The following BICD2 variants were observed in gnomAD, a reference collection of about 807,000 sequenced individuals.
BICD2 encodes BICD cargo adaptor 2.
Under a neutral mutation model 72.9 loss-of-function variants are expected in BICD2, and 25 were observed. The ratio of observed to expected loss-of-function variants is 0.34; its 90% CI spans 0.25 to 0.48. The LOEUF (loss-of-function observed/expected upper bound fraction) is 0.48, where lower values mean the gene tolerates loss of function less well. Ranked by LOEUF, BICD2 falls within the 20% of genes least tolerant of loss-of-function variation. BICD2 has a pLI of 0.99. For synonymous variants in BICD2, 501 were observed against 516.1 expected (o/e 0.97, Z 0.40); for missense variants, 894 against 1,175.2 (o/e 0.76, Z 3.50).
chr9:92,716,623 T>C (rs1423786910), intron 6 of BICD2, among the ~76,000 whole-genome samples: 1 of 152,268 alleles, frequency 6.6e-6, no homozygotes, highest in Non-Finnish European at 1.5e-5. Flanking sequence ...ATGGTGGGCC[T>C]GGCTGTCCCC....
intron 1 of BICD2, among the ~76,000 whole-genome samples, chr9:92,751,848 A>C: frequency 6.9e-6 from 1 of 145,662 alleles, no homozygotes; most frequent in African/African-American, 2.5e-5. Flanking sequence ...CCTGTCGCCC[A>C]GGCTGGAGTG....
At chr9:92,736,817 T>TAC (rs1491500487) in intron 1 of BICD2, among the ~76,000 whole-genome samples, 9 of 152,028 alleles carry the variant, frequency 5.9e-5, no homozygotes, top group South Asian at 2.1e-4. Context: ...GTTCCCCCTT[T>TAC]ACACACACAC....
chr9:92,746,112 C>A (rs981327205), intron 1 of BICD2, among the ~76,000 whole-genome samples: 2 of 152,340 alleles, frequency 1.3e-5, no homozygotes, highest in East Asian at 3.9e-4. Flanking sequence ...GACACATGGT[C>A]CCTCCCTCCC....
intron 1 of BICD2, among the ~76,000 whole-genome samples, chr9:92,734,830 CAGGATCCAGTCTGGGAAG>C (rs1275460751): frequency 2.0e-5 from 3 of 152,200 alleles, no homozygotes; most frequent in African/African-American, 7.2e-5. Context: ...AACCTACCAT[CAGGATCCAGTCTGGGAAG>C]GGGATCCCAG....
intron 1 of BICD2, among the ~76,000 whole-genome samples, chr9:92,749,156 G>A (rs1163938052): frequency 6.6e-6 from 1 of 151,840 alleles, no homozygotes; most frequent in African/African-American, 2.4e-5. Context: ...GCCTCTTGAG[G>A]ACTGGGGTCC....
At position 92,764,034 on chromosome 9, in the gene BICD2, A is replaced by G. The variant is rs983832541; in HGVS notation, c.240+471T>C. 4.6e-5 allele frequency among the ~76,000 whole-genome samples: 7 copies of G among 152,190 alleles called. No homozygotes were observed. Among genetic ancestry groups the G allele is most frequent in the Non-Finnish European group, 8.8e-5 (6 of 68,020 alleles). ...AAAGTAGCTGCGCCCAGAGAGGGGA[A>G]GTGCTTTCTCTGAAGGTGACAGAGC... On this transcript the variant is annotated intron_variant, in intron 1 of 6. Transcript: ENST00000356884. This position sits in a 1 kb window ranked among gnomAD's most constrained non-coding sequence, Gnocchi z 5.5.
chr9:92,753,879 A>G (rs761939173), intron 1 of BICD2, among the ~76,000 whole-genome samples: 9 of 151,734 alleles, frequency 5.9e-5, no homozygotes, highest in Non-Finnish European at 1.3e-4. Flanking sequence ...TTAAAGACAC[A>G]TAAGTCTGTA....
intron 1 of BICD2, among the ~76,000 whole-genome samples, chr9:92,736,333 C>T (rs529971391): frequency 6.6e-6 from 1 of 152,210 alleles, no homozygotes; most frequent in Non-Finnish European, 1.5e-5. Context: ...AAAAGACACT[C>T]CCATCAGGAC....
intron 1 of BICD2, among the ~76,000 whole-genome samples, chr9:92,745,437 G>GGACAGGGGAGGGGGGTCCCCTGTCCT (rs1853990544): frequency 1.3e-5 from 2 of 151,952 alleles, no homozygotes. Context: ...CTAAGGGTGG[G>GGACAGGGGAGGGGGGTCCCCTGTCCT]GACAGGGGAG....
intron 1 of BICD2, among the ~76,000 whole-genome samples, chr9:92,747,926 GGCTGACA>G (rs1854049397): frequency 6.6e-6 from 1 of 152,222 alleles, no homozygotes; most frequent in Non-Finnish European, 1.5e-5. Context: ...ACCCGAAGTG[GGCTGACA>G]GCATGGCAGG....
chr9:92,726,631 G>T (rs118140771), intron 2 of BICD2, among the ~76,000 whole-genome samples: 4 of 152,104 alleles, frequency 2.6e-5, no homozygotes, highest in Non-Finnish European at 5.9e-5. Context: ...TACCCAAGGC[G>T]AAGACCTGGG....
rs1207286970 is a variant in BICD2 at position 92,722,735 on chromosome 9, C to T, written c.527G>A (p.Arg176His). 3 of 1,614,106 alleles carry T rather than the reference C, an allele frequency of 1.9e-6. No individual in the cohort carries two copies. Among genetic ancestry groups the T allele is most frequent in the Non-Finnish European group, 1.7e-6 (2 of 1,180,042 alleles). The change falls in exon 3 of 7, where the codon CGT (arginine) becomes CAT (histidine). Residue 176 changes from arginine (R) to histidine (H), a missense_variant. Physicochemically the swap from Arg to His is conservative, Grantham distance 29. This residue lies in a region of BICD2 where 192 missense variants were observed against 243.6 expected (regional missense o/e 0.79). Transcript: ENST00000356884. ...DIKEYKFREA[R>H]LLQDYSELEE... is the part of the protein sequence containing the mutation. Reference sequence around the variant, plus strand: ...CAGTTCCGAGTAGTCCTGCAGCAGACGAGCTTCCCGGAATTTGTACTCCTT... The same window carrying T: ...CAGTTCCGAGTAGTCCTGCAGCAGATGAGCTTCCCGGAATTTGTACTCCTT...
intron 1 of BICD2, among the ~76,000 whole-genome samples, chr9:92,759,288 A>T (rs1854324578): frequency 6.6e-6 from 1 of 152,234 alleles, no homozygotes; most frequent in African/African-American, 2.4e-5. Context: ...AGGGAAGAAG[A>T]GCTGGCAGAG....
At chr9:92,737,901 TG>T (rs1342566631) in intron 1 of BICD2, among the ~76,000 whole-genome samples, 1 of 152,148 alleles carries the variant, frequency 6.6e-6, no homozygotes, top group East Asian at 1.9e-4. Context: ...TAGGACAAGG[TG>T]GGGCCAGAAG....
intron 2 of BICD2, among the ~76,000 whole-genome samples, chr9:92,727,241 G>A (rs759367352): frequency 2.6e-5 from 4 of 152,178 alleles, no homozygotes; most frequent in African/African-American, 7.2e-5. Context: ...GGAATGCTAA[G>A]CCAACAGCAG....
At chr9:92,725,489 G>C (rs529018748) in intron 2 of BICD2, among the ~76,000 whole-genome samples, 20 of 152,252 alleles carry the variant, frequency 1.3e-4, no homozygotes, top group Non-Finnish European at 2.6e-4. Context: ...CAAACAGGCT[G>C]ACTGGTCGCC....
Position 92,729,009 on chromosome 9 carries a change from T to C in BICD2, c.453+15A>G. The C allele has an allele frequency of 6.2e-7, 1 of 1,612,498 alleles. No individual in the cohort carries two copies. The highest frequency in any genetic ancestry group is 1.1e-5 in the South Asian group (1 of 90,986). On this transcript the variant is annotated intron_variant, in intron 2 of 6. Transcript: ENST00000356884. Reference sequence around the variant, plus strand: ...CTGCTGCAGCCACAGACTAGGCCCCTCCTCACCCCCTCACCTCCTTCAGCT... The same window carrying C: ...CTGCTGCAGCCACAGACTAGGCCCCCCCTCACCCCCTCACCTCCTTCAGCT...
intron 1 of BICD2, among the ~76,000 whole-genome samples, chr9:92,740,509 G>A (rs974051647): frequency 1.3e-5 from 2 of 151,722 alleles, no homozygotes; most frequent in Non-Finnish European, 2.9e-5. Flanking sequence ...CAGGATCACG[G>A]CCAAAGCAGT....
intron 1 of BICD2, among the ~76,000 whole-genome samples, chr9:92,730,423 A>G (rs2131511592): frequency 6.6e-6 from 1 of 152,388 alleles, no homozygotes; most frequent in East Asian, 1.9e-4. Flanking sequence ...GTTACTGAGC[A>G]GGACAGTTTC....
Sources: gnomAD v4.1 joint callset for allele counts (sites outside exome capture counted in the v4.1 genomes callset) on GRCh38, gnomAD v4.1.1 for gene constraint, gnomAD v4.1.1 regional missense constraint, Gnocchi (gnomAD v3.1) non-coding constraint, MANE v1.5 for transcripts, NCBI Gene and HGNC (gene_info 2026-07-23, HGNC 2026-07-21) for gene names.